The following SLC25A15 variants were observed in gnomAD, a reference collection of about 807,000 sequenced individuals.
SLC25A15 encodes mitochondrial ornithine transporter 1.
Under a neutral mutation model 32.3 loss-of-function variants are expected in SLC25A15, and 24 were observed. The ratio of observed to expected loss-of-function variants is 0.74; its 90% CI spans 0.54 to 1.04. The LOEUF (loss-of-function observed/expected upper bound fraction) is 1.04, where lower values mean the gene tolerates loss of function less well. SLC25A15 is among the 50% of genes least tolerant of loss of function. The probability of loss-of-function intolerance (pLI) is 0.00; values close to 1 mark genes in which losing one functional copy is unlikely to be tolerated. For missense variants in SLC25A15, 317 were observed against 374.5 expected (o/e 0.85, Z 1.27); for synonymous variants, 132 against 142.1 (o/e 0.93, Z 0.51).
At chr13:40,798,894 C>T in intron 2 of SLC25A15, 163 bp from the exon 3 acceptor site, 3 of 985,428 alleles carry the variant, frequency 3.0e-6, no homozygotes, top group Non-Finnish European at 3.6e-6. Flanking sequence ...CATCAAGGAC[C>T]TGCTCTAAAT....
At position 40,797,642 on chromosome 13, in the gene SLC25A15, G is replaced by A. The variant is rs114133644; in HGVS notation, c.56-1415G>A. 9.8e-3 allele frequency among the ~76,000 whole-genome samples: 1,487 copies of A among 152,186 alleles called. 25 individuals carry two copies. Among genetic ancestry groups the A allele is most frequent in the African/African-American group, 0.034 (1,414 of 41,502 alleles). ...TGGGCTCACAGAGATCATATTGCTTGTTGCTTAAAAAAGAGATCAAGCAGT... is the reference window on the plus strand; with the variant it reads ...TGGGCTCACAGAGATCATATTGCTTATTGCTTAAAAAAGAGATCAAGCAGT... On this transcript the variant is annotated intron_variant, in intron 2 of 6. Coordinates refer to ENST00000338625, the MANE Select transcript of SLC25A15 (RefSeq NM_014252.4).
At position 40,810,861 on chromosome 13, in the gene SLC25A15, C is replaced by G. The variant is rs181274589; in HGVS notation, c.*1194C>G. ...AGCGCTTACCTTTTGTCTCTGGGTC[C>G]TGGCCTGGGGCCATCAATCCACTTT... On this transcript the variant is annotated 3_prime_UTR_variant, in exon 7 of 7. Coordinates refer to ENST00000338625, the MANE Select transcript of SLC25A15 (RefSeq NM_014252.4). The G allele has an allele frequency of 1.2e-3, 650 of 534,676 alleles. 6 individuals carry two copies. The highest frequency in any genetic ancestry group is 0.011 in the African/African-American group (597 of 52,094). 33.1% of individuals were successfully genotyped at this position (534,676 alleles called of 1,614,324 possible).
chr13:40,791,305 A>T (rs1223607538), intron 1 of SLC25A15, among the ~76,000 whole-genome samples: 1 of 106,816 alleles, frequency 9.4e-6, no homozygotes, highest in African/African-American at 7.3e-5. Flanking sequence ...TAAACTTTTT[A>T]TTTATTTATT....
chr13:40,800,081 T>C (rs751941603), intron 3 of SLC25A15, among the ~76,000 whole-genome samples: 1 of 152,228 alleles, frequency 6.6e-6, no homozygotes, highest in Non-Finnish European at 1.5e-5. Flanking sequence ...TTAAAATTAT[T>C]ATATAAGCTT....
chr13:40,798,699 A>T (rs776040168), intron 2 of SLC25A15: 143 of 908,030 alleles, frequency 1.6e-4, no homozygotes, highest in Non-Finnish European at 1.8e-4. Context: ...GGTGGCATGG[A>T]TGAGGAGCTG....
At chr13:40,804,561 A>C (rs1422539039) in intron 3 of SLC25A15, among the ~76,000 whole-genome samples, 1 of 126,576 alleles carries the variant, frequency 7.9e-6, no homozygotes, top group African/African-American at 3.0e-5. Context: ...TTTTTTTTTG[A>C]GACGGAGTCT....
At chr13:40,790,252 T>A (rs73461251) in intron 1 of SLC25A15, among the ~76,000 whole-genome samples, 5,563 of 152,242 alleles carry the variant, frequency 0.037, 253 homozygotes, top group East Asian at 0.16. Context: ...TGCAGCCTCA[T>A]CTACTGACTC....
At chr13:40,793,816 G>T (rs1359910268) in intron 2 of SLC25A15, among the ~76,000 whole-genome samples, 1 of 152,242 alleles carries the variant, frequency 6.6e-6, no homozygotes, top group East Asian at 1.9e-4. Flanking sequence ...TTAACACCTT[G>T]TCAGTCAGGG....
intron 2 of SLC25A15, among the ~76,000 whole-genome samples, chr13:40,795,768 A>C (rs17447284): frequency 6.6e-6 from 1 of 152,106 alleles, no homozygotes; most frequent in African/African-American, 2.4e-5. Context: ...AATGGAACCC[A>C]CTTTTGAGGA....
intron 4 of SLC25A15, among the ~76,000 whole-genome samples, chr13:40,805,680 A>G (rs1301861887): frequency 6.6e-6 from 1 of 152,168 alleles, no homozygotes; most frequent in East Asian, 1.9e-4. Context: ...AGGCTGATTG[A>G]CCCAGATCCT....
At chr13:40,793,034 C>G in intron 1 of SLC25A15, 124 bp from the exon 2 acceptor site, 1 of 651,802 alleles carries the variant, frequency 1.5e-6, no homozygotes, top group Admixed American at 2.2e-5. Context: ...GAGCCCCTTT[C>G]CTTTGGAACA....
rs573033866 is a variant in SLC25A15 at position 40,793,244 on chromosome 13, T to C, written c.18T>C (p.Ala6=). 5.5e-5 allele frequency: 88 copies of C among 1,614,140 alleles called. No homozygotes were observed. The highest frequency in any genetic ancestry group is 7.0e-5 in the Non-Finnish European group (83 of 1,179,998). The change falls in exon 2 of 7, where the codon GCT becomes GCC. Residue 6 remains alanine, a synonymous_variant. Coordinates refer to ENST00000338625, the MANE Select transcript of SLC25A15 (RefSeq NM_014252.4). The part of the protein sequence containing the change: MKSNP[A]IQAAIDLTAG... ...GGGCAAACATGAAATCCAATCCTGC[T>C]ATCCAGGCTGCCATTGACCTCACAG...
rs1882372022 is a variant in SLC25A15, at chr13:40,809,815, T to G, written c.*148T>G. 1 of 755,030 alleles carries G rather than the reference T, an allele frequency of 1.3e-6. No homozygotes were observed. The highest frequency in any genetic ancestry group is 2.2e-6 in the Non-Finnish European group (1 of 445,544). The allele number at this position is 755,030 out of a possible 1,614,324, so 46.8% of individuals were successfully genotyped here. On this transcript the variant is annotated 3_prime_UTR_variant, in exon 7 of 7. Coordinates refer to ENST00000338625, the MANE Select transcript of SLC25A15 (RefSeq NM_014252.4). Reference sequence around the variant, plus strand: ...TCCCTTCTACCCTACATCTTAAACTTTATGGAAGAACCTCTATTTTGCATC... The same window carrying G: ...TCCCTTCTACCCTACATCTTAAACTGTATGGAAGAACCTCTATTTTGCATC...
At chr13:40,802,951 T>A (rs1213115726) in intron 3 of SLC25A15, among the ~76,000 whole-genome samples, 2 of 152,104 alleles carry the variant, frequency 1.3e-5, no homozygotes, top group Admixed American at 1.3e-4. Context: ...CTGAGGAGAT[T>A]CCCACCCACC....
chr13:40,812,364 G>A lies in SLC25A15; in HGVS notation c.*2697G>A, dbSNP rs960529441. ...GTTTGCTTAATTCAGAGTACAGTTT[G>A]TGCTATTTCATATCTGTACTCCAGG... is the stretch of plus-strand genomic sequence containing the variant. On this transcript the variant is annotated 3_prime_UTR_variant, in exon 7 of 7. Coordinates refer to ENST00000338625, the MANE Select transcript of SLC25A15 (RefSeq NM_014252.4). Among the ~76,000 whole-genome samples the A allele has an allele frequency of 7.2e-5, 11 of 152,110 alleles. No homozygotes were observed. The highest frequency in any genetic ancestry group is 1.9e-4 in the East Asian group (1 of 5,186).
At chr13:40,805,459 TAGAC>T (rs932393380) in intron 4 of SLC25A15, among the ~76,000 whole-genome samples, 5 of 152,192 alleles carry the variant, frequency 3.3e-5, no homozygotes, top group South Asian at 2.1e-4. Context: ...TAAAAAGTCT[TAGAC>T]AGATATTTAA....
rs1881772045 is a variant in SLC25A15, at chr13:40,799,067, A to G, written c.66A>G (p.Ala22=). Residue 22 remains alanine (A), a synonymous_variant, in exon 3 of 7, where the codon GCA becomes GCG. Transcript: ENST00000338625. ...CTGTCCTGATTGCAGGAGGTACAGC[A>G]TGTGTACTGACCGGGCAGCCCTTTG... ...DLTAGAAGGT[A]CVLTGQPFDT... is the part of the protein sequence containing the mutation. 1 of 1,614,220 alleles carries G rather than the reference A, an allele frequency of 6.2e-7. No individual in the cohort carries two copies. The highest frequency in any genetic ancestry group is 8.5e-7 in the Non-Finnish European group (1 of 1,180,034).
At chr13:40,807,232 C>A (rs1882220678) in intron 4 of SLC25A15, 62 bp from the exon 5 acceptor site, 2 of 1,501,422 alleles carry the variant, frequency 1.3e-6, no homozygotes. Context: ...GTTGCAAATG[C>A]CCTTGTCTTT....
intron 3 of SLC25A15, among the ~76,000 whole-genome samples, chr13:40,800,848 A>G (rs1000024827): frequency 1.3e-5 from 2 of 152,202 alleles, no homozygotes; most frequent in African/African-American, 4.8e-5. Context: ...TCCTTAAGAA[A>G]GGGTTGGGAA....
Sources: gnomAD v4.1 joint callset for allele counts (sites outside exome capture counted in the v4.1 genomes callset) on GRCh38, gnomAD v4.1.1 for gene constraint, MANE v1.5 for transcripts, NCBI Gene and HGNC (gene_info 2026-07-23, HGNC 2026-07-21) for gene names.